The following C20orf203 variants were observed in gnomAD, a reference collection of about 807,000 sequenced individuals.
C20orf203 encodes chromosome 20 open reading frame 203, also known as uncharacterized protein C20orf203.
Under a neutral mutation model 15.9 loss-of-function variants are expected in C20orf203, and 16 were observed. That is an observed-to-expected ratio of 1.01 (90% CI 0.68 to 1.53). The LOEUF (loss-of-function observed/expected upper bound fraction) is 1.53. Ranked by LOEUF, C20orf203 falls within the 40% of genes most tolerant of loss-of-function variation. The pLI is 0.00. For missense variants in C20orf203, 263 were observed against 247.5 expected (o/e 1.06, Z -0.42); for synonymous variants, 98 against 97.2 (o/e 1.01, Z -0.05).
chr20:32,635,441 G>A (rs1239361581), intron 5 of C20orf203, among the ~76,000 whole-genome samples: 1 of 150,058 alleles, frequency 6.7e-6, no homozygotes, highest in East Asian at 2.0e-4. Context: ...GGTTGCAGAA[G>A]GCCAAGATCG....
rs557734420 is a variant in C20orf203 at position 32,652,033 on chromosome 20, G to A, written c.-263-52C>T. On this transcript the variant is annotated intron_variant, in intron 1 of 5. Transcript: ENST00000608990. ...CAAATAACTAGAATGCAAAGCAAAT[G>A]TGGCTGGATGCAGTGGCTCACACCT... is the stretch of plus-strand genomic sequence containing the variant. 2.0e-5 allele frequency: 3 copies of A among 152,300 alleles called. No individual in the cohort carries two copies. The South Asian group carries it at 6.2e-4, about 32-fold the overall frequency. 9.4% of individuals were successfully genotyped at this position (152,300 alleles called of 1,614,324 possible). A position where few individuals can be genotyped will look rare whatever the true frequency, so the allele number is the denominator to read the frequency against.
rs911639425 is a variant in C20orf203, at chr20:32,633,082, C to T, written c.*2488G>A. The T allele has an allele frequency of 2.0e-5, 3 of 152,218 alleles. No homozygotes were observed. The highest frequency in any genetic ancestry group is 4.4e-5 in the Non-Finnish European group (3 of 68,048). 9.4% of individuals were successfully genotyped at this position (152,218 alleles called of 1,614,324 possible). On this transcript the variant is annotated 3_prime_UTR_variant, in exon 6 of 6. Transcript: ENST00000608990. ...GAAACTGCCACCATTATTCAATTAT[C>T]TCTACTTGGTCCTGCTCTTGACACC... is the stretch of plus-strand genomic sequence containing the variant.
At position 32,646,995 on chromosome 20, in the gene C20orf203, C is replaced by T. The variant is rs539941371; in HGVS notation, c.*1177+2260G>A. On this transcript the variant is annotated intron_variant, in intron 4 of 5. Coordinates refer to ENST00000608990, the MANE Select transcript of C20orf203 (RefSeq NM_182584.4). ...CAGGAGGGTCTCTCCATCTAGCACA[C>T]ACTGGTCACTCACCACATGACACTT... 9.8e-5 allele frequency among the ~76,000 whole-genome samples: 15 copies of T among 152,356 alleles called. No individual in the cohort carries two copies. In the Middle Eastern group the frequency reaches 0.014, roughly 138 times the overall value.
In C20orf203 at chr20:32,632,834, T is replaced by G. The variant is rs540675798; in HGVS notation, c.*2736A>C. 2 of 152,372 alleles carry G rather than the reference T, an allele frequency of 1.3e-5. No individual in the cohort carries two copies. Among genetic ancestry groups the G allele is most frequent in the African/African-American group, 4.8e-5 (2 of 41,574 alleles). 9.4% of individuals were successfully genotyped at this position (152,372 alleles called of 1,614,324 possible). On this transcript the variant is annotated 3_prime_UTR_variant, in exon 6 of 6. Transcript: ENST00000608990. Reference sequence around the variant, plus strand: ...CGGGATTAGTCTGTTCTCACGCTGCTGTGAAGAAATGCCCGAGACTGGGGT... The same window carrying G: ...CGGGATTAGTCTGTTCTCACGCTGCGGTGAAGAAATGCCCGAGACTGGGGT...
chr20:32,639,373 C>T (rs1982218819), intron 5 of C20orf203, among the ~76,000 whole-genome samples: 1 of 152,182 alleles, frequency 6.6e-6, no homozygotes, highest in Non-Finnish European at 1.5e-5. Flanking sequence ...AAGAAGTGGG[C>T]AGAACATGGG....
intron 1 of C20orf203, among the ~76,000 whole-genome samples, chr20:32,661,175 A>T (rs1982882387): frequency 1.3e-5 from 2 of 152,328 alleles, no homozygotes; most frequent in South Asian, 4.1e-4. Flanking sequence ...TCAGGACCCG[A>T]CTTAGTCATC....
At chr20:32,645,736 C>T (rs886274337) in intron 4 of C20orf203, among the ~76,000 whole-genome samples, 1 of 152,242 alleles carries the variant, frequency 6.6e-6, no homozygotes, top group African/African-American at 2.4e-5. Flanking sequence ...GCTTTCTTTC[C>T]TTCATCCCTG....
intron 1 of C20orf203, among the ~76,000 whole-genome samples, chr20:32,666,737 TG>T (rs1412568736): frequency 7.4e-6 from 1 of 135,422 alleles, no homozygotes; most frequent in Non-Finnish European, 1.6e-5. Flanking sequence ...CACTCCAGCC[TG>T]GGTGACAGAG....
chr20:32,637,951 T>C (rs1009428439), intron 5 of C20orf203, among the ~76,000 whole-genome samples: 18 of 151,796 alleles, frequency 1.2e-4, no homozygotes, highest in African/African-American at 4.4e-4. Flanking sequence ...TGTATGGGCG[T>C]GTGTGTGCGC....
intron 1 of C20orf203, among the ~76,000 whole-genome samples, chr20:32,656,216 T>TAATG (rs1056054166): frequency 2.8e-4 from 43 of 152,338 alleles, no homozygotes; most frequent in African/African-American, 8.9e-4. Flanking sequence ...GCAAACAGAC[T>TAATG]AATGCATGGG....
intron 4 of C20orf203, among the ~76,000 whole-genome samples, chr20:32,643,875 A>G (rs1982353969): frequency 5.3e-5 from 8 of 152,224 alleles, no homozygotes; most frequent in Admixed American, 5.2e-4. Context: ...AATCATCATC[A>G]TCACCTAGGA....
rs542136152 is a variant in C20orf203 at position 32,633,792 on chromosome 20, C to T, written c.*1778G>A. On this transcript the variant is annotated 3_prime_UTR_variant, in exon 6 of 6. Transcript: ENST00000608990. ...CCAGTCGCCCTGACAGCCCCCTCACCGCGTTGCACTACCTGGTCCCCTGGT... is the reference window on the plus strand; with the variant it reads ...CCAGTCGCCCTGACAGCCCCCTCACTGCGTTGCACTACCTGGTCCCCTGGT... 3.0e-4 allele frequency: 111 copies of T among 372,556 alleles called. No individual in the cohort carries two copies. Among genetic ancestry groups the T allele is most frequent in the Non-Finnish European group, 4.4e-4 (93 of 210,202 alleles). The allele number at this position is 372,556 out of a possible 1,614,324, so 23.1% of individuals were successfully genotyped here.
chr20:32,640,138 T>C (rs936670889), intron 5 of C20orf203, among the ~76,000 whole-genome samples: 21 of 152,264 alleles, frequency 1.4e-4, no homozygotes, highest in African/African-American at 5.1e-4. Flanking sequence ...TATTATTAAA[T>C]GAAAAGCAGT....
chr20:32,670,929 T>G (rs1273924187), intron 1 of C20orf203, among the ~76,000 whole-genome samples: 2 of 151,914 alleles, frequency 1.3e-5, no homozygotes, highest in African/African-American at 2.4e-5. Context: ...CATGAAAAAG[T>G]GCTCAACCTC....
chr20:32,637,961 C>T (rs933301993), intron 5 of C20orf203, among the ~76,000 whole-genome samples: 15 of 151,630 alleles, frequency 9.9e-5, no homozygotes, highest in Non-Finnish European at 1.8e-4. Flanking sequence ...TGTGTGTGCG[C>T]CCATGTGTCT....
intron 1 of C20orf203, among the ~76,000 whole-genome samples, chr20:32,666,530 G>A (rs1983030297): frequency 1.3e-5 from 2 of 151,222 alleles, no homozygotes; most frequent in Admixed American, 6.6e-5. Flanking sequence ...TTGGGAGGCT[G>A]AGGCGGGCAG....
In C20orf203 at chr20:32,650,487, G is replaced by GGT; in HGVS notation, c.528_529dup (p.Pro177HisfsTer3). 1 of 1,550,610 alleles carries GGT rather than the reference G, an allele frequency of 6.4e-7. No individual in the cohort carries two copies. Among genetic ancestry groups the GGT allele is most frequent in the Non-Finnish European group, 8.7e-7 (1 of 1,147,002 alleles). ...GAGAAACTGCTGCTTGCTAATTAAA[G>GGT]GTGCAGGCAACTTGCCTGGCAAGGA... is the stretch of plus-strand genomic sequence containing the variant. On this transcript the variant is annotated frameshift_variant, in exon 4 of 6. Coordinates refer to ENST00000608990, the MANE Select transcript of C20orf203 (RefSeq NM_182584.4). LOFTEE classifies it high-confidence loss of function.
chr20:32,670,790 C>G (rs562591884), intron 1 of C20orf203, among the ~76,000 whole-genome samples: 11 of 151,884 alleles, frequency 7.2e-5, no homozygotes, highest in Non-Finnish European at 1.6e-4. Context: ...CAAGATCTCA[C>G]CATTGCATTC....
chr20:32,637,084 C>T lies in C20orf203; in HGVS notation c.*1300-2814G>A, dbSNP rs150671152. 5.2e-3 allele frequency among the ~76,000 whole-genome samples: 786 copies of T among 152,312 alleles called. 4 individuals are homozygous for T. Among genetic ancestry groups the T allele is most frequent in the African/African-American group, 0.018 (747 of 41,572 alleles). ...AGAGGCCCAAGGACAGGCTTGCTGA[C>T]GCTGGCTCACTGCCTAGAGGAAAGA... On this transcript the variant is annotated intron_variant, in intron 5 of 5. Transcript: ENST00000608990.
Sources: gnomAD v4.1 joint callset for allele counts (sites outside exome capture counted in the v4.1 genomes callset) on GRCh38, gnomAD v4.1.1 for gene constraint, MANE v1.5 for transcripts, NCBI Gene and HGNC (gene_info 2026-07-23, HGNC 2026-07-21) for gene names.